Variants in BABAM2 observed in about 807,000 individuals in gnomAD.
The protein encoded by BABAM2 is BRISC and BRCA1-A complex member 2.
In BABAM2, 31 loss-of-function variants were observed where a neutral mutation model predicts 54.7. The observed-to-expected ratio is 0.57, with a 90% CI of 0.43 to 0.77. BABAM2 has a LOEUF of 0.77. Ranked by LOEUF, BABAM2 falls within the 30% of genes least tolerant of loss-of-function variation. BABAM2 has a pLI of 0.00. For synonymous variants in BABAM2, 167 were observed against 162.9 expected (o/e 1.03, Z -0.19); for missense variants, 364 against 455.8 (o/e 0.80, Z 1.83).
intron 3 of BABAM2, among the ~76,000 whole-genome samples, chr2:27,951,424 A>G (rs1016266191): frequency 6.6e-6 from 1 of 152,108 alleles, no homozygotes; most frequent in African/African-American, 2.4e-5. Context: ...TTGGTTTACA[A>G]AATTTTCTGG....
At chr2:28,215,512 T>C (rs1280735072) in intron 7 of BABAM2, among the ~76,000 whole-genome samples, 1 of 152,234 alleles carries the variant, frequency 6.6e-6, no homozygotes, top group Non-Finnish European at 1.5e-5. Flanking sequence ...CACAGGGTTA[T>C]ATGAAGTACA....
At chr2:27,945,533 C>T (rs1669237145) in intron 3 of BABAM2, among the ~76,000 whole-genome samples, 1 of 152,058 alleles carries the variant, frequency 6.6e-6, no homozygotes, top group African/African-American at 2.4e-5. Context: ...TATTCTAAGT[C>T]CTTTGCATTT....
chr2:28,203,681 A>G (rs895429823), intron 7 of BABAM2, among the ~76,000 whole-genome samples: 1 of 152,126 alleles, frequency 6.6e-6, no homozygotes, highest in Non-Finnish European at 1.5e-5. Flanking sequence ...TGATATACTA[A>G]GGTTCTCATT....
intron 4 of BABAM2, among the ~76,000 whole-genome samples, chr2:27,997,644 A>G (rs1448703939): frequency 6.6e-6 from 1 of 152,218 alleles, no homozygotes; most frequent in Non-Finnish European, 1.5e-5. Flanking sequence ...CAGTTGTAGA[A>G]AAACAGAGCA....
intron 2 of BABAM2, among the ~76,000 whole-genome samples, chr2:27,900,394 C>G (rs2148275078): frequency 6.7e-6 from 1 of 148,964 alleles, no homozygotes; most frequent in African/African-American, 2.5e-5. Context: ...AATAGCAATT[C>G]ATATATATTT....
chr2:28,079,841 A>G (rs1665010985), intron 6 of BABAM2, among the ~76,000 whole-genome samples: 1 of 152,160 alleles, frequency 6.6e-6, no homozygotes, highest in Non-Finnish European at 1.5e-5. Flanking sequence ...GTTTTCACAT[A>G]AACTCTTTGA....
intron 7 of BABAM2, among the ~76,000 whole-genome samples, chr2:28,156,489 G>T (rs1447662998): frequency 1.3e-5 from 2 of 152,054 alleles, no homozygotes; most frequent in Non-Finnish European, 2.9e-5. Context: ...ATAAATATTT[G>T]TAAATTACAG....
intron 6 of BABAM2, among the ~76,000 whole-genome samples, chr2:28,049,763 G>C (rs1460331515): frequency 6.6e-6 from 1 of 152,218 alleles, no homozygotes; most frequent in Non-Finnish European, 1.5e-5. Flanking sequence ...AGTTCAGGGT[G>C]TCTAGACTTG....
intron 10 of BABAM2, among the ~76,000 whole-genome samples, chr2:28,260,367 T>C (rs953482577): frequency 6.8e-6 from 1 of 147,024 alleles, no homozygotes; most frequent in African/African-American, 2.5e-5. Flanking sequence ...AGTGGCACAA[T>C]CTTGGTTCAC....
chr2:28,232,065 C>T (rs1228448833), intron 7 of BABAM2, among the ~76,000 whole-genome samples: 1 of 152,072 alleles, frequency 6.6e-6, no homozygotes, highest in East Asian at 1.9e-4. Flanking sequence ...CTCAGCCTCC[C>T]AAAGTGCTAG....
At chr2:28,168,408 ACTT>A (rs1320191247) in intron 7 of BABAM2, among the ~76,000 whole-genome samples, 4 of 152,142 alleles carry the variant, frequency 2.6e-5, no homozygotes, top group Admixed American at 2.6e-4. Context: ...GCCATAGCCT[ACTT>A]CTTCTGGAGG....
chr2:28,213,871 T>A (rs1055360976), intron 7 of BABAM2, among the ~76,000 whole-genome samples: 1 of 151,812 alleles, frequency 6.6e-6, no homozygotes, highest in Non-Finnish European at 1.5e-5. Flanking sequence ...GGAGATGAAA[T>A]TTACTTGGTT....
At chr2:28,025,027 A>AT (rs902814898) in intron 4 of BABAM2, among the ~76,000 whole-genome samples, 199 bp from the exon 5 acceptor site, 2 of 152,056 alleles carry the variant, frequency 1.3e-5, no homozygotes, top group African/African-American at 2.4e-5. Flanking sequence ...TTCTGCAAGG[A>AT]TTTTTTTAGA....
chr2:27,950,637 T>G (rs1669639941), intron 3 of BABAM2, among the ~76,000 whole-genome samples: 1 of 152,164 alleles, frequency 6.6e-6, no homozygotes, highest in African/African-American at 2.4e-5. Context: ...ATTTTTTTCC[T>G]CATAGTAAAG....
At chr2:28,107,367 C>T (rs888107978) in intron 6 of BABAM2, among the ~76,000 whole-genome samples, 3 of 152,176 alleles carry the variant, frequency 2.0e-5, no homozygotes, top group African/African-American at 7.2e-5. Flanking sequence ...TCCACATTGC[C>T]CTTAAAATAA....
At chr2:28,313,709 G>A (rs1292504805) in intron 11 of BABAM2, among the ~76,000 whole-genome samples, 3 of 152,188 alleles carry the variant, frequency 2.0e-5, no homozygotes, top group African/African-American at 7.2e-5. Flanking sequence ...CTGCAGTTAA[G>A]TTACTGCTAA....
chr2:28,292,110 G>A (rs1687328801), intron 10 of BABAM2, among the ~76,000 whole-genome samples: 1 of 152,200 alleles, frequency 6.6e-6, no homozygotes, highest in Non-Finnish European at 1.5e-5. Flanking sequence ...CCACCACAAA[G>A]CGCATCTATG....
intron 6 of BABAM2, among the ~76,000 whole-genome samples, chr2:28,085,138 G>C (rs971135845): frequency 6.6e-6 from 1 of 152,096 alleles, no homozygotes; most frequent in African/African-American, 2.4e-5. Flanking sequence ...TTTTTAGTTA[G>C]ACATGGCATA....
intron 7 of BABAM2, among the ~76,000 whole-genome samples, chr2:28,197,694 T>TA (rs1677761342): frequency 6.6e-6 from 1 of 152,166 alleles, no homozygotes; most frequent in African/African-American, 2.4e-5. Flanking sequence ...GGAGAACTTT[T>TA]AAAAAAATAC....
Sources: allele counts gnomAD v4.1 joint callset (sites outside exome capture counted in the v4.1 genomes callset), GRCh38; gene constraint gnomAD v4.1.1; transcripts MANE v1.5; gene names NCBI Gene and HGNC (gene_info 2026-07-23, HGNC 2026-07-21).